HS6ST3: variants seen among roughly 807,000 people sequenced by gnomAD.
HS6ST3 encodes the protein heparan-sulfate 6-O-sulfotransferase 3.
Under a neutral mutation model 36.7 loss-of-function variants are expected in HS6ST3, and 12 were observed. The ratio of observed to expected loss-of-function variants is 0.33; its 90% CI spans 0.21 to 0.53. The LOEUF is 0.53. Ranked by LOEUF, HS6ST3 falls within the 20% of genes least tolerant of loss-of-function variation. The pLI is 0.95. For synonymous variants in HS6ST3, 240 were observed against 257.5 expected, an observed-to-expected ratio of 0.93 and a Z score of 0.65; for missense variants, 584 against 640.9, an observed-to-expected ratio of 0.91 and a Z score of 0.96.
intron 1 of HS6ST3, among the ~76,000 whole-genome samples, chr13:96,563,197 G>T (rs1483823852): frequency 6.6e-6 from 1 of 152,164 alleles, no homozygotes; most frequent in Non-Finnish European, 1.5e-5. Flanking sequence ...GACATAGGTT[G>T]GCTGTGGCTT....
chr13:96,791,507 C>A (rs1877793929), intron 1 of HS6ST3, among the ~76,000 whole-genome samples: 1 of 151,866 alleles, frequency 6.6e-6, no homozygotes. Context: ...CCACAAAAAA[C>A]CATCAAACTT....
Position 96,317,026 on chromosome 13 carries a change from G to A in HS6ST3, c.707+225457G>A, listed in dbSNP as rs565411129. On this transcript the variant is annotated intron_variant, in intron 1 of 1. Coordinates refer to ENST00000376705, the MANE Select transcript of HS6ST3 (RefSeq NM_153456.4). ...GTCAACTTTTATTTTAGATACAGAGGGTACATGTGCAGGTTTGTTACATGG... is the reference window on the plus strand; with the variant it reads ...GTCAACTTTTATTTTAGATACAGAGAGTACATGTGCAGGTTTGTTACATGG... Among the ~76,000 whole-genome samples the A allele has an allele frequency of 1.4e-4, 21 of 151,738 alleles. 2 individuals carry two copies. The South Asian group carries it at 3.8e-3, about 27-fold the overall frequency.
chr13:96,402,636 C>T (rs1334148480), intron 1 of HS6ST3, among the ~76,000 whole-genome samples: 1 of 152,164 alleles, frequency 6.6e-6, no homozygotes, highest in Non-Finnish European at 1.5e-5. Context: ...ATTTCTTCTC[C>T]CTGCTGTAGT....
intron 1 of HS6ST3, among the ~76,000 whole-genome samples, chr13:96,317,372 TTATATATATA>T (rs57780978): frequency 1.9e-5 from 1 of 52,202 alleles, no homozygotes; most frequent in Admixed American, 2.5e-4. Context: ...ATATATAAAA[TTATATATATA>T]TATATATATA....
At chr13:96,403,357 G>A (rs999858881) in intron 1 of HS6ST3, among the ~76,000 whole-genome samples, 2 of 152,114 alleles carry the variant, frequency 1.3e-5, no homozygotes, top group Non-Finnish European at 2.9e-5. Context: ...TGCCAAAATG[G>A]TTAACCTATC....
intron 1 of HS6ST3, among the ~76,000 whole-genome samples, chr13:96,349,093 A>G (rs1021778901): frequency 5.3e-5 from 8 of 152,214 alleles, no homozygotes; most frequent in Non-Finnish European, 8.8e-5. Flanking sequence ...GTAAACCTCA[A>G]TGAAAGATTT....
chr13:96,223,410 A>G (rs1284580650), intron 1 of HS6ST3, among the ~76,000 whole-genome samples: 1 of 152,180 alleles, frequency 6.6e-6, no homozygotes, highest in Non-Finnish European at 1.5e-5. Context: ...GCCCTTTGCA[A>G]TGTGGTTGCC....
chr13:96,189,287 A>T (rs139798172), intron 1 of HS6ST3, among the ~76,000 whole-genome samples: 64 of 152,244 alleles, frequency 4.2e-4, no homozygotes, highest in African/African-American at 1.4e-3. Context: ...CGAATACAGG[A>T]TGGGGAAATA....
At chr13:96,716,940 A>C (rs1363490791) in intron 1 of HS6ST3, among the ~76,000 whole-genome samples, 1 of 152,236 alleles carries the variant, frequency 6.6e-6, no homozygotes, top group Non-Finnish European at 1.5e-5. Context: ...AAGTAACACC[A>C]GGCTGTAATG....
intron 1 of HS6ST3, among the ~76,000 whole-genome samples, chr13:96,326,769 G>C (rs1773271093): frequency 6.6e-6 from 1 of 151,868 alleles, no homozygotes; most frequent in Non-Finnish European, 1.5e-5. Flanking sequence ...CTTCCACAAT[G>C]GTTGAACTAG....
chr13:96,731,939 A>G (rs979398908), intron 1 of HS6ST3, among the ~76,000 whole-genome samples: 2 of 152,098 alleles, frequency 1.3e-5, no homozygotes, highest in Non-Finnish European at 1.5e-5. Flanking sequence ...TACAGGCATA[A>G]TCTACCACAC....
intron 1 of HS6ST3, among the ~76,000 whole-genome samples, chr13:96,097,270 C>T (rs2053796061): frequency 6.6e-6 from 1 of 152,078 alleles, no homozygotes; most frequent in South Asian, 2.1e-4. Context: ...TGTGGATTTG[C>T]TTAGTCTTAG....
chr13:96,818,708 T>G (rs1385987122), intron 1 of HS6ST3, among the ~76,000 whole-genome samples: 1 of 152,226 alleles, frequency 6.6e-6, no homozygotes, highest in Non-Finnish European at 1.5e-5. Context: ...AGTGCACAGG[T>G]AATGCTAGCC....
At chr13:96,298,332 C>G (rs1006950623) in intron 1 of HS6ST3, among the ~76,000 whole-genome samples, 57 of 152,276 alleles carry the variant, frequency 3.7e-4, no homozygotes, top group African/African-American at 1.3e-3. Flanking sequence ...ACACACAAAA[C>G]ACATAGCATG....
At position 96,766,904 on chromosome 13, in the gene HS6ST3, G is replaced by C. The variant is rs530818253; in HGVS notation, c.708-65586G>C. On this transcript the variant is annotated intron_variant, in intron 1 of 1. Transcript: ENST00000376705. ...AAGAATTGATAAAATTAACAAACAG[G>C]CTCATTCTGAGGGTAGTTTGCTTTT... 1.1e-4 allele frequency among the ~76,000 whole-genome samples: 17 copies of C among 152,250 alleles called. No homozygotes were observed. In the South Asian group the frequency reaches 3.5e-3, roughly 32 times the overall value.
chr13:96,767,224 A>G (rs564950327), intron 1 of HS6ST3, among the ~76,000 whole-genome samples: 2 of 152,238 alleles, frequency 1.3e-5, no homozygotes, highest in East Asian at 1.9e-4. Flanking sequence ...AATTCATTAA[A>G]CAAACATTCA....
intron 1 of HS6ST3, among the ~76,000 whole-genome samples, chr13:96,168,416 C>T (rs2054170989): frequency 6.6e-6 from 1 of 152,094 alleles, no homozygotes; most frequent in Non-Finnish European, 1.5e-5. Flanking sequence ...GATAAAATTA[C>T]TATTTCAGGT....
intron 1 of HS6ST3, among the ~76,000 whole-genome samples, chr13:96,441,727 A>C (rs572585901): frequency 2.6e-5 from 4 of 152,216 alleles, no homozygotes; most frequent in Non-Finnish European, 4.4e-5. Flanking sequence ...GAGCTTCTAA[A>C]GGTAAAAATA....
chr13:96,370,683 A>G (rs1404152807), intron 1 of HS6ST3, among the ~76,000 whole-genome samples: 1 of 152,166 alleles, frequency 6.6e-6, no homozygotes, highest in East Asian at 1.9e-4. Context: ...AGGCTGAGGC[A>G]GGCAGATCAC....
Sources: allele counts gnomAD v4.1 joint callset (sites outside exome capture counted in the v4.1 genomes callset), GRCh38; gene constraint gnomAD v4.1.1; transcripts MANE v1.5; gene names NCBI Gene and HGNC (gene_info 2026-07-23, HGNC 2026-07-21).